The following CD1C variants were observed in gnomAD, a reference collection of about 807,000 sequenced individuals.
CD1C encodes CD1c molecule, also known as T-cell surface glycoprotein CD1c.
CD1C carries 47 observed loss-of-function variants against 39.4 expected under a neutral mutation model. That is an observed-to-expected ratio of 1.19 (90% CI 0.94 to 1.52). CD1C has a LOEUF of 1.52. Ranked by LOEUF, CD1C falls within the 40% of genes most tolerant of loss-of-function variation. CD1C has a pLI of 0.00. For missense variants in CD1C, 417 were observed against 395.2 expected (o/e 1.06, Z -0.47); for synonymous variants, 165 against 150.8 (o/e 1.09, Z -0.69).
chr1:158,292,396 T>A (rs759196612), intron 3 of CD1C, 31 bp downstream of exon 3: 8 of 1,594,448 alleles, frequency 5.0e-6, no homozygotes, highest in Non-Finnish European at 6.8e-6. Context: ...CCTCTAAGAT[T>A]TTTCTATTCA....
At chr1:158,292,899 G>A in intron 4 of CD1C, 25 bp downstream of exon 4, 3 of 1,610,228 alleles carry the variant, frequency 1.9e-6, no homozygotes, top group Non-Finnish European at 8.5e-7. Context: ...TGGAAGTGTA[G>A]GTAGGTGGTT....
rs1571147896 is a variant in CD1C at position 158,294,343 on chromosome 1, T to C, written c.*867T>C. 6.6e-6 allele frequency among the ~76,000 whole-genome samples: 1 copy of C among 152,228 alleles called. No homozygotes were observed. Among genetic ancestry groups the C allele is most frequent in the Non-Finnish European group, 1.5e-5 (1 of 68,042 alleles). On this transcript the variant is annotated 3_prime_UTR_variant, in exon 6 of 6. Transcript: ENST00000368170. Reference sequence around the variant, plus strand: ...TTTAGGTTTCATTCACTAATTCAACTAATATTTTTTGGGTACTGAGTTGAG... The same window carrying C: ...TTTAGGTTTCATTCACTAATTCAACCAATATTTTTTGGGTACTGAGTTGAG...
chr1:158,292,722 A>T lies in CD1C; in HGVS notation c.737A>T (p.Gln246Leu). 1.2e-6 allele frequency: 2 copies of T among 1,614,216 alleles called. No individual in the cohort carries two copies. The highest frequency in any genetic ancestry group is 8.5e-7 in the Non-Finnish European group (1 of 1,180,036). The change falls in exon 4 of 6, where the codon CAA (glutamine) becomes CTA (leucine). Residue 246 changes from glutamine (Q) to leucine (L), a missense_variant. Gln to Leu is a moderately radical substitution (Grantham distance 113, BLOSUM62 -2). Coordinates refer to ENST00000368170, the MANE Select transcript of CD1C (RefSeq NM_001765.3). ...WVTWMRNEQEQLGTKHGDILP... is the reference protein window; with the variant it reads ...WVTWMRNEQELLGTKHGDILP... ...ACATGGATGCGGAATGAACAGGAGC[A>T]ACTGGGCACTAAACATGGTGATATT...
chr1:158,293,442 T>G lies in CD1C; in HGVS notation c.981-13T>G. ...ACTTATTCAGGGTTTCTCCCATTCC[T>G]GTTCCTTCACAGCTCATATCAGGAC... is the stretch of plus-strand genomic sequence containing the variant. On this transcript the variant is annotated splice_polypyrimidine_tract_variant and intron_variant, in intron 5 of 5. Transcript: ENST00000368170. 1 of 1,613,862 alleles carries G rather than the reference T, an allele frequency of 6.2e-7. No homozygotes were observed. Among genetic ancestry groups the G allele is most frequent in the Non-Finnish European group, 8.5e-7 (1 of 1,179,908 alleles).
intron 3 of CD1C, 111 bp from the exon 4 acceptor site, chr1:158,292,485 G>A (rs1179873011): frequency 6.7e-7 from 1 of 1,490,752 alleles, no homozygotes; most frequent in Non-Finnish European, 9.1e-7. Context: ...CTGGGTAATA[G>A]TTTCTTAGAG....
rs541231065 is a variant in CD1C, at chr1:158,290,076, G to T, written c.12G>T (p.Leu4=). 6.2e-7 allele frequency: 1 copy of T among 1,613,950 alleles called. No homozygotes were observed. The highest frequency in any genetic ancestry group is 1.3e-5 in the African/African-American group (1 of 75,020). MLF[L]QFLLLALLLP... ...CATCTGCAAATGACATGCTGTTTCT[G>T]CAGTTTCTGCTGCTAGCTCTTCTTC... The change falls in exon 1 of 6, where the codon CTG becomes CTT. Residue 4 remains leucine (L), a synonymous_variant. Coordinates refer to ENST00000368170, the MANE Select transcript of CD1C (RefSeq NM_001765.3).
chr1:158,291,206 A>C lies in CD1C; in HGVS notation c.134A>C (p.Gln45Pro). Residue 45 changes from glutamine (Q) to proline (P), a missense_variant, in exon 2 of 6, where the codon CAG becomes CCG. Gln to Pro is a moderately conservative substitution (Grantham distance 76, BLOSUM62 -1). Coordinates refer to ENST00000368170, the MANE Select transcript of CD1C (RefSeq NM_001765.3). ...GTCAACCAATCCTGGGCACGAGGTCAGGGCTCAGGATGGCTGGACGAGTTG... is the reference window on the plus strand; with the variant it reads ...GTCAACCAATCCTGGGCACGAGGTCCGGGCTCAGGATGGCTGGACGAGTTG... ...SFVNQSWARG[Q>P]GSGWLDELQT... 1 of 1,613,868 alleles carries C rather than the reference A, an allele frequency of 6.2e-7. No individual in the cohort carries two copies.
chr1:158,293,155 G>A (rs2101661549), intron 4 of CD1C, 57 bp from the exon 5 acceptor site: 5 of 1,303,144 alleles, frequency 3.8e-6, no homozygotes, highest in Non-Finnish European at 5.5e-6. Context: ...TCAATAGATG[G>A]AATAGAATCA....
Position 158,293,533 on chromosome 1 carries a change from T to C in CD1C, c.*57T>C, listed in dbSNP as rs1181960448. Reference sequence around the variant, plus strand: ...AGAACCCAGCAACCCAGGAGCCTAGTACAATATAGTGATGCCATCCCGTCG... The same window carrying C: ...AGAACCCAGCAACCCAGGAGCCTAGCACAATATAGTGATGCCATCCCGTCG... On this transcript the variant is annotated 3_prime_UTR_variant, in exon 6 of 6. Coordinates refer to ENST00000368170, the MANE Select transcript of CD1C (RefSeq NM_001765.3). The C allele has an allele frequency of 6.2e-7, 1 of 1,613,930 alleles. No individual in the cohort carries two copies. The highest frequency in any genetic ancestry group is 8.5e-7 in the Non-Finnish European group (1 of 1,179,818).
Position 158,293,509 on chromosome 1 carries a change from G to A in CD1C, c.*33G>A. 6.2e-7 allele frequency: 1 copy of A among 1,614,048 alleles called. No homozygotes were observed. The highest frequency in any genetic ancestry group is 8.5e-7 in the Non-Finnish European group (1 of 1,179,966). On this transcript the variant is annotated 3_prime_UTR_variant, in exon 6 of 6. Coordinates refer to ENST00000368170, the MANE Select transcript of CD1C (RefSeq NM_001765.3). ...CCCCCTGACTCCCCCATTGTGTTAA[G>A]AACCCAGCAACCCAGGAGCCTAGTA...
rs1650982385 is a variant in CD1C, at chr1:158,290,139, T to C, written c.61+14T>C. ...ACAATGCAGACGGTAAGAACATCGC[T>C]GTCAGCTGCAAGGTTACATGTATCT... On this transcript the variant is annotated intron_variant, in intron 1 of 5. Coordinates refer to ENST00000368170, the MANE Select transcript of CD1C (RefSeq NM_001765.3). 8.1e-6 allele frequency: 13 copies of C among 1,612,330 alleles called. No homozygotes were observed. The highest frequency in any genetic ancestry group is 1.1e-5 in the Non-Finnish European group (13 of 1,178,478).
rs1010114637 is a variant in CD1C, at chr1:158,289,946, G to A, written c.-119G>A. 11 of 842,000 alleles carry A rather than the reference G, an allele frequency of 1.3e-5. No individual in the cohort carries two copies. Among genetic ancestry groups the A allele is most frequent in the East Asian group, 2.6e-5 (1 of 38,740 alleles). The allele number at this position is 842,000 out of a possible 1,614,324, so 52.2% of individuals were successfully genotyped here. A position where few individuals can be genotyped will look rare whatever the true frequency, so the allele number is the denominator to read the frequency against. ...GCAGATCTTCTTAGTTGCTGTCAGC[G>A]GCTGATGGGGAAGATTGTTGGTAGA... On this transcript the variant is annotated 5_prime_UTR_variant, in exon 1 of 6. Transcript: ENST00000368170.
chr1:158,292,801 T>C lies in CD1C; in HGVS notation c.816T>C (p.Ser272=). The C allele has an allele frequency of 6.2e-7, 1 of 1,614,216 alleles. No individual in the cohort carries two copies. Among genetic ancestry groups the C allele is most frequent in the East Asian group, 2.2e-5 (1 of 44,876 alleles). ...WYLQVILEVA[S]EEPAGLSCRV... ...TTCAGGTGATCCTGGAGGTGGCATC[T>C]GAGGAGCCTGCTGGCCTGTCTTGTC... is the stretch of plus-strand genomic sequence containing the variant. Residue 272 remains serine (S), a synonymous_variant, in exon 4 of 6, where the codon TCT becomes TCC. Transcript: ENST00000368170.
chr1:158,291,088 C>CT (rs375739413), intron 1 of CD1C, 46 bp from the exon 2 acceptor site: 93,978 of 1,115,354 alleles, frequency 0.084, no homozygotes, highest in Non-Finnish European at 0.095. Flanking sequence ...CCTTGCCTCT[C>CT]TTTTTTTTTT....
rs891810145 is a variant in CD1C, at chr1:158,294,373, G to T, written c.*897G>T. Among the ~76,000 whole-genome samples the T allele has an allele frequency of 9.7e-4, 147 of 152,292 alleles. 1 individual carries two copies. Among genetic ancestry groups the T allele is most frequent in the African/African-American group, 3.4e-3 (142 of 41,558 alleles). On this transcript the variant is annotated 3_prime_UTR_variant, in exon 6 of 6. Coordinates refer to ENST00000368170, the MANE Select transcript of CD1C (RefSeq NM_001765.3). ...TTTTTTGGGTACTGAGTTGAGACAG[G>T]CACATACAGCTTCTAAACTGGTGGT...
chr1:158,290,197 T>C (rs745782713), intron 1 of CD1C, 72 bp downstream of exon 1: 31 of 1,328,268 alleles, frequency 2.3e-5, no homozygotes, highest in Non-Finnish European at 3.4e-5. Flanking sequence ...CCGAGATGGA[T>C]CAATAGAGAT....
chr1:158,291,232 C>A lies in CD1C; in HGVS notation c.160C>A (p.Gln54Lys). The A allele has an allele frequency of 1.2e-6, 2 of 1,614,106 alleles. No homozygotes were observed. The highest frequency in any genetic ancestry group is 8.5e-7 in the Non-Finnish European group (1 of 1,180,026). ...GGGCTCAGGATGGCTGGACGAGTTG[C>A]AGACTCATGGCTGGGACAGTGAATC... ...GQGSGWLDEL[Q>K]THGWDSESGT... Residue 54 changes from glutamine to lysine, a missense_variant, in exon 2 of 6, where the codon CAG (glutamine) becomes AAG (lysine). Coordinates refer to ENST00000368170, the MANE Select transcript of CD1C (RefSeq NM_001765.3).
intron 1 of CD1C, 27 bp downstream of exon 1, chr1:158,290,152 G>T (rs1327031060): frequency 6.2e-7 from 1 of 1,604,946 alleles, no homozygotes; most frequent in Non-Finnish European, 8.5e-7. Context: ...CAGCTGCAAG[G>T]TTACATGTAT....
Position 158,292,241 on chromosome 1 carries a change from C to G in CD1C, c.486C>G (p.Val162=). ...GCTGTGGAAGTTTGGCCCAAAGTGT[C>G]TGTCATCTACTCAATCATCAGTATG... is the stretch of plus-strand genomic sequence containing the variant. ...SPGCGSLAQS[V]CHLLNHQYEG... Residue 162 remains valine (V), a synonymous_variant, in exon 3 of 6, where the codon GTC becomes GTG. Coordinates refer to ENST00000368170, the MANE Select transcript of CD1C (RefSeq NM_001765.3). 4.3e-6 allele frequency: 7 copies of G among 1,614,192 alleles called. No individual in the cohort carries two copies. The highest frequency in any genetic ancestry group is 5.9e-6 in the Non-Finnish European group (7 of 1,180,034).
Sources: allele counts gnomAD v4.1 joint callset (sites outside exome capture counted in the v4.1 genomes callset), GRCh38; gene constraint gnomAD v4.1.1; transcripts MANE v1.5; gene names NCBI Gene and HGNC (gene_info 2026-07-23, HGNC 2026-07-21).